Variants in SGK2 observed in about 807,000 individuals in gnomAD.
SGK2 encodes serine/threonine-protein kinase Sgk2.
In SGK2, 36 loss-of-function variants were observed where a neutral mutation model predicts 47.5. That is an observed-to-expected ratio of 0.76 (90% CI 0.58 to 1.00). The LOEUF (loss-of-function observed/expected upper bound fraction) is 1.00. Among genes scored for constraint, SGK2 ranks in the 50% least tolerant of loss-of-function variants. The pLI, the probability that SGK2 is intolerant of heterozygous loss-of-function variation, is 0.00. For synonymous variants in SGK2, 157 were observed against 181.9 expected, an observed-to-expected ratio of 0.86 and a Z score of 1.10; for missense variants, 404 against 467.4, an observed-to-expected ratio of 0.86 and a Z score of 1.25.
Position 43,576,220 on chromosome 20 carries a change from C to G in SGK2, c.694-4C>G. The G allele has an allele frequency of 6.2e-7, 1 of 1,613,790 alleles. No individual in the cohort carries two copies. The highest frequency in any genetic ancestry group is 8.5e-7 in the Non-Finnish European group (1 of 1,179,726). Reference sequence around the variant, plus strand: ...TCCTCCAGCTGTTCTCCCTCTCTCCCCAGCCGCCCTTCTACAGCCAAGATG... The same window carrying G: ...TCCTCCAGCTGTTCTCCCTCTCTCCGCAGCCGCCCTTCTACAGCCAAGATG... On this transcript the variant is annotated splice_polypyrimidine_tract_variant and splice_region_variant and intron_variant, in intron 10 of 12. Coordinates refer to ENST00000373100, the MANE Select transcript of SGK2 (RefSeq NM_170693.3).
intron 10 of SGK2, among the ~76,000 whole-genome samples, chr20:43,575,700 T>C (rs1173299270): frequency 6.6e-6 from 1 of 150,628 alleles, no homozygotes; most frequent in East Asian, 2.0e-4. Flanking sequence ...CATGCTTTGC[T>C]TTGAAGTGGT....
intron 6 of SGK2, 156 bp downstream of exon 6, chr20:43,569,672 C>T: frequency 1.2e-6 from 1 of 862,112 alleles, no homozygotes; most frequent in Non-Finnish European, 1.8e-6. Flanking sequence ...GGGAGGTAAT[C>T]ATTTGCTCAA....
chr20:43,576,401 C>A (rs779641962), intron 11 of SGK2, 22 bp downstream of exon 11: 2 of 1,609,280 alleles, frequency 1.2e-6, no homozygotes. Context: ...ACCAGTGGAG[C>A]ACTGGCCCCC....
chr20:43,570,918 C>G, intron 7 of SGK2, 106 bp from the exon 8 acceptor site: 1 of 1,553,554 alleles, frequency 6.4e-7, no homozygotes, highest in South Asian at 1.1e-5. Flanking sequence ...TCTCTGGCAA[C>G]CTCCATGAAT....
At chr20:43,580,832 A>ATT (rs1361183643) in intron 12 of SGK2, among the ~76,000 whole-genome samples, 2 of 150,348 alleles carry the variant, frequency 1.3e-5, no homozygotes, top group East Asian at 3.9e-4. Flanking sequence ...CCACTGGCAT[A>ATT]TTTCCTTCCA....
intron 11 of SGK2, among the ~76,000 whole-genome samples, chr20:43,577,946 G>T (rs1980567685): frequency 6.6e-6 from 1 of 152,024 alleles, no homozygotes; most frequent in Non-Finnish European, 1.5e-5. Context: ...CGCCCAGCCA[G>T]CACTTGCTTT....
rs558603342 is a variant in SGK2, at chr20:43,576,457, C to T, written c.849+78C>T. ...CAGAGGCAGCTCAGAAGCACATTAA[C>T]ACGCATCCTGCTGCCTTCTAAAACC... On this transcript the variant is annotated intron_variant, in intron 11 of 12. Transcript: ENST00000373100. 4.7e-6 allele frequency: 6 copies of T among 1,271,762 alleles called. No individual in the cohort carries two copies. In the South Asian group the frequency reaches 8.1e-5, roughly 17 times the overall value. The allele number at this position is 1,271,762 out of a possible 1,614,324, so 78.8% of individuals were successfully genotyped here.
At chr20:43,583,091 A>G in intron 12 of SGK2, 1 of 1,062,406 alleles carries the variant, frequency 9.4e-7, no homozygotes, top group Non-Finnish European at 1.2e-6. Flanking sequence ...CAGCCTGCAT[A>G]TCAAACACTG....
At chr20:43,569,246 G>A in intron 5 of SGK2, 139 bp from the exon 6 acceptor site, 1 of 1,065,858 alleles carries the variant, frequency 9.4e-7, no homozygotes, top group Non-Finnish European at 1.3e-6. Context: ...GCAATAGGGA[G>A]CCATTGTGGG....
intron 11 of SGK2, among the ~76,000 whole-genome samples, chr20:43,578,332 A>C (rs1031056019): frequency 3.9e-5 from 6 of 152,014 alleles, no homozygotes; most frequent in African/African-American, 1.5e-4. Flanking sequence ...TAAAAGTACA[A>C]AAATTATCCA....
At chr20:43,584,344 T>C (rs1442470224) in intron 12 of SGK2, among the ~76,000 whole-genome samples, 2 of 152,174 alleles carry the variant, frequency 1.3e-5, no homozygotes, top group Non-Finnish European at 2.9e-5. Context: ...AGACTCCACC[T>C]CTAGATGGGA....
At position 43,576,230 on chromosome 20, in the gene SGK2, T is replaced by C. The variant is rs769330436; in HGVS notation, c.700T>C (p.Phe234Leu). 2 of 1,614,016 alleles carry C rather than the reference T, an allele frequency of 1.2e-6. No homozygotes were observed. Among genetic ancestry groups the C allele is most frequent in the African/African-American group, 2.7e-5 (2 of 75,060 alleles). Residue 234 changes from phenylalanine (F) to leucine (L), a missense_variant, in exon 11 of 13, where the codon TTC (phenylalanine) becomes CTC (leucine). Phe to Leu is a conservative substitution (Grantham distance 22, BLOSUM62 0). Coordinates refer to ENST00000373100, the MANE Select transcript of SGK2 (RefSeq NM_170693.3). ...GTTCTCCCTCTCTCCCCAGCCGCCC[T>C]TCTACAGCCAAGATGTATCCCAGAT... ...LYEMLHGLPP[F>L]YSQDVSQMYE... is the part of the protein sequence containing the mutation.
chr20:43,582,074 G>T (rs1438306815), intron 12 of SGK2, among the ~76,000 whole-genome samples: 1 of 152,134 alleles, frequency 6.6e-6, no homozygotes, highest in African/African-American at 2.4e-5. Context: ...TTGAGACAGG[G>T]TCTCACTCTA....
chr20:43,564,056 C>T (rs1213293610), intron 1 of SGK2, among the ~76,000 whole-genome samples: 2 of 152,212 alleles, frequency 1.3e-5, no homozygotes. Context: ...GGGCTGTGGG[C>T]CCATCAACTC....
intron 12 of SGK2, among the ~76,000 whole-genome samples, chr20:43,582,940 C>A (rs1319061690): frequency 6.6e-6 from 1 of 152,174 alleles, no homozygotes; most frequent in Non-Finnish European, 1.5e-5. Flanking sequence ...AAGTGATCTG[C>A]CTGCCTTGGC....
At chr20:43,579,439 A>G (rs561622505) in intron 11 of SGK2, among the ~76,000 whole-genome samples, 44 of 152,314 alleles carry the variant, frequency 2.9e-4, no homozygotes, top group Admixed American at 9.8e-4. Flanking sequence ...GTTGGTGCCA[A>G]TGTTGATTTT....
At chr20:43,571,925 G>A (rs1365303114) in intron 8 of SGK2, 126 bp from the exon 9 acceptor site, 2 of 656,514 alleles carry the variant, frequency 3.0e-6, no homozygotes, top group Non-Finnish European at 5.6e-6. Context: ...GGAGCCTCCA[G>A]CCTGTGCCTG....
At chr20:43,577,063 A>G (rs1980503566) in intron 11 of SGK2, among the ~76,000 whole-genome samples, 1 of 152,214 alleles carries the variant, frequency 6.6e-6, no homozygotes, top group African/African-American at 2.4e-5. Context: ...GAGATAGACA[A>G]TAATGGGAGG....
rs1395594924 is a variant in SGK2, at chr20:43,570,618, T to A, written c.362T>A (p.Leu121His). Residue 121 changes from leucine to histidine, a missense_variant and splice_region_variant, in exon 7 of 13, where the codon CTC becomes CAC. Physicochemically the swap from Leu to His is moderately conservative, Grantham distance 99 (BLOSUM62 -3). Transcript: ENST00000373100. ...FVLDYVNGGE[L>H]FFHLQRERRF... ...TGTCACACTCCTCCTCCCCTCCAGCTCTTCTTCCACCTGCAGCGGGAGCGC... is the reference window on the plus strand; with the variant it reads ...TGTCACACTCCTCCTCCCCTCCAGCACTTCTTCCACCTGCAGCGGGAGCGC... The A allele has an allele frequency of 6.2e-7, 1 of 1,602,372 alleles. No individual in the cohort carries two copies. The highest frequency in any genetic ancestry group is 2.2e-5 in the East Asian group (1 of 44,700).
Sources: allele counts gnomAD v4.1 joint callset (sites outside exome capture counted in the v4.1 genomes callset), GRCh38; gene constraint gnomAD v4.1.1; transcripts MANE v1.5; gene names NCBI Gene and HGNC (gene_info 2026-07-23, HGNC 2026-07-21).